Variants in CFAP74 observed in about 807,000 individuals in gnomAD.
CFAP74 encodes cilia and flagella associated protein 74.
A neutral mutation model predicts 188.9 loss-of-function variants in CFAP74; 124 were observed. The observed-to-expected ratio is 0.66, with a 90% CI of 0.57 to 0.76. The LOEUF (loss-of-function observed/expected upper bound fraction) is 0.76. Among genes scored for constraint, CFAP74 ranks in the 30% least tolerant of loss-of-function variants. The probability of loss-of-function intolerance (pLI) is 0.00; values close to 1 mark genes in which losing one functional copy is unlikely to be tolerated. For missense variants in CFAP74, 2,198 were observed against 2,165.2 expected, an observed-to-expected ratio of 1.02 and a Z score of -0.30; for synonymous variants, 956 against 916.7, an observed-to-expected ratio of 1.04 and a Z score of -0.77.
Position 1,935,232 on chromosome 1 carries a change from G to C in CFAP74, c.3011+3623C>G, listed in dbSNP as rs558718805. 2.5e-3 allele frequency among the ~76,000 whole-genome samples: 226 copies of C among 89,388 alleles called. 69 individuals are homozygous for C. The highest frequency in any genetic ancestry group is 4.6e-3 in the Non-Finnish European group (194 of 42,188). 58.6% of individuals were successfully genotyped at this position (89,388 alleles called of 152,430 possible). A position where few individuals can be genotyped will look rare whatever the true frequency, so the allele number is the denominator to read the frequency against. On this transcript the variant is annotated intron_variant, in intron 25 of 38. Transcript: ENST00000682832. ...GTGGGTGTTGTAGGTACACACGTGT[G>C]TACGTGGGTGTTAGGCTGTAAGTAC... is the stretch of plus-strand genomic sequence containing the variant.
intron 20 of CFAP74, among the ~76,000 whole-genome samples, chr1:1,945,972 G>A (rs539111663): frequency 5.3e-5 from 6 of 113,774 alleles, no homozygotes; most frequent in East Asian, 2.8e-4. Context: ...GCGTTTGTGC[G>A]TGTGGGGGGG....
At position 1,930,311 on chromosome 1, in the gene CFAP74, C is replaced by T. The variant is rs1557990986; in HGVS notation, c.3037G>A (p.Val1013Ile). Residue 1013 changes from valine (V) to isoleucine (I), a missense_variant, in exon 26 of 39, where the codon GTA becomes ATA. Transcript: ENST00000682832. ...NRCFKLSCRA[V>I]GVHPPLELSH... Reference sequence around the variant, plus strand: ...AGCTCCAGGGGTGGGTGGACGCCTACAGCCCGGCAAGACAGCTTGAAGCAC... The same window carrying T: ...AGCTCCAGGGGTGGGTGGACGCCTATAGCCCGGCAAGACAGCTTGAAGCAC... The T allele has an allele frequency of 1.3e-6, 2 of 1,529,248 alleles. No homozygotes were observed. Among genetic ancestry groups the T allele is most frequent in the African/African-American group, 1.4e-5 (1 of 72,928 alleles). The allele number at this position is 1,529,248 out of a possible 1,614,324, so 94.7% of individuals were successfully genotyped here.
chr1:1,986,964 A>C lies in CFAP74; in HGVS notation c.368T>G (p.Ile123Ser). 1.2e-6 allele frequency: 2 copies of C among 1,601,506 alleles called. No homozygotes were observed. Among genetic ancestry groups the C allele is most frequent in the Non-Finnish European group, 1.7e-6 (2 of 1,179,612 alleles). Residue 123 changes from isoleucine to serine, a missense_variant, in exon 5 of 39, where the codon ATC (isoleucine) becomes AGC (serine). By Grantham distance (142) the Ile-to-Ser change is moderately radical. Transcript: ENST00000682832. ...GTTGCCCGCCTCTTCCTCTGTGGCG[A>C]TCTCGGCTGCCACAGCCTCCTGCTG... is the stretch of plus-strand genomic sequence containing the variant. ...DKQQEAVAAE[I>S]ATEEEAGNMA...
At chr1:1,929,928 A>G in intron 26 of CFAP74, 132 bp downstream of exon 26, 1 of 1,048,228 alleles carries the variant, frequency 9.5e-7, no homozygotes, top group East Asian at 2.7e-5. Flanking sequence ...TCTGAGGGTC[A>G]GGTTCACTCC....
At chr1:1,971,378 C>T (rs541812613) in intron 9 of CFAP74, among the ~76,000 whole-genome samples, 2 of 151,626 alleles carry the variant, frequency 1.3e-5, no homozygotes, top group Non-Finnish European at 2.9e-5. Flanking sequence ...CACGGTCACA[C>T]ATGCACACAC....
chr1:1,992,352 T>C (rs892302526), intron 1 of CFAP74, among the ~76,000 whole-genome samples: 2 of 152,084 alleles, frequency 1.3e-5, no homozygotes, highest in African/African-American at 4.8e-5. Context: ...TTGGTTGAGA[T>C]GGTGGGTCTC....
intron 14 of CFAP74, among the ~76,000 whole-genome samples, chr1:1,963,103 C>T (rs1341484795): frequency 6.6e-6 from 1 of 152,132 alleles, no homozygotes; most frequent in Non-Finnish European, 1.5e-5. Flanking sequence ...AAAACACTGG[C>T]TAATTGCCAG....
rs959227746 is a variant in CFAP74 at position 1,942,832 on chromosome 1, C to T, written c.2487-676G>A. On this transcript the variant is annotated intron_variant, in intron 21 of 38. Coordinates refer to ENST00000682832, the MANE Select transcript of CFAP74 (RefSeq NM_001304360.2). This position sits in a 1 kb window ranked among gnomAD's most constrained non-coding sequence, Gnocchi z 4.3. Reference sequence around the variant, plus strand: ...TGTGGCCGCCCCGCCACAGCTGCCCCGGGCAATCCACGAGGGGGGACCCAG... The same window carrying T: ...TGTGGCCGCCCCGCCACAGCTGCCCTGGGCAATCCACGAGGGGGGACCCAG... Among the ~76,000 whole-genome samples the T allele has an allele frequency of 1.3e-5, 2 of 152,164 alleles. No homozygotes were observed. The highest frequency in any genetic ancestry group is 2.4e-5 in the African/African-American group (1 of 41,430).
chr1:1,926,874 C>T lies in CFAP74; in HGVS notation c.3662+20G>A. 1.9e-6 allele frequency: 3 copies of T among 1,549,906 alleles called. No individual in the cohort carries two copies. The highest frequency in any genetic ancestry group is 2.6e-6 in the Non-Finnish European group (3 of 1,146,716). On this transcript the variant is annotated intron_variant, in intron 29 of 38. Coordinates refer to ENST00000682832, the MANE Select transcript of CFAP74 (RefSeq NM_001304360.2). ...CGTTTGCGGCTGACCACACCCTGTT[C>T]TGGCCAGAGCACCCCGCACCTGAAG...
chr1:1,988,501 C>T lies in CFAP74; in HGVS notation c.296+11G>A. On this transcript the variant is annotated intron_variant, in intron 4 of 38. Coordinates refer to ENST00000682832, the MANE Select transcript of CFAP74 (RefSeq NM_001304360.2). ...AGAGGTGCAGGTGCAGCGGCCTCAG[C>T]CCCAGCTCACCTCATCTTCTCAGTG... 1.2e-6 allele frequency: 2 copies of T among 1,609,842 alleles called. No individual in the cohort carries two copies. The highest frequency in any genetic ancestry group is 1.7e-6 in the Non-Finnish European group (2 of 1,179,936).
At chr1:1,970,111 C>T (rs1013026571) in intron 10 of CFAP74, among the ~76,000 whole-genome samples, 20 of 152,088 alleles carry the variant, frequency 1.3e-4, no homozygotes, top group Non-Finnish European at 2.1e-4. Context: ...GCAACATGGG[C>T]CCCCGTTTGG....
intron 9 of CFAP74, among the ~76,000 whole-genome samples, chr1:1,971,726 C>T (rs917198927): frequency 1.3e-5 from 2 of 152,272 alleles, no homozygotes; most frequent in African/African-American, 4.8e-5. Flanking sequence ...CCACTGCTTC[C>T]CCAACAAGAC....
intron 15 of CFAP74, 111 bp downstream of exon 15, chr1:1,959,853 T>G: frequency 4.5e-6 from 4 of 888,382 alleles, no homozygotes; most frequent in Non-Finnish European, 5.0e-6. Flanking sequence ...TGATCCTCAC[T>G]GAGAGGCCAA....
In CFAP74 at chr1:1,989,041, G is replaced by C. The variant is rs1170935947; in HGVS notation, c.68-68C>G. ...CAAACATTTGCATCTGAAGTTTTAG[G>C]ATAAATCTTTTTCTTTTTTTGGGAC... On this transcript the variant is annotated intron_variant, in intron 2 of 38. Coordinates refer to ENST00000682832, the MANE Select transcript of CFAP74 (RefSeq NM_001304360.2). 5 of 843,502 alleles carry C rather than the reference G, an allele frequency of 5.9e-6. No homozygotes were observed. The Admixed American group carries it at 1.1e-4, about 18-fold the overall frequency. The allele number at this position is 843,502 out of a possible 1,614,324, so 52.3% of individuals were successfully genotyped here. A position where few individuals can be genotyped will look rare whatever the true frequency, so the allele number is the denominator to read the frequency against.
intron 1 of CFAP74, among the ~76,000 whole-genome samples, chr1:1,994,921 G>A (rs1201074461): frequency 6.6e-6 from 1 of 152,154 alleles, no homozygotes; most frequent in Non-Finnish European, 1.5e-5. Context: ...GGAGGTGGAG[G>A]GATGAGGGTA....
intron 1 of CFAP74, among the ~76,000 whole-genome samples, chr1:1,999,177 G>A (rs1274805619): frequency 1.3e-5 from 2 of 152,220 alleles, no homozygotes; most frequent in African/African-American, 4.8e-5. Flanking sequence ...TTCTAAAGCT[G>A]TAAAACTAAG....
intron 18 of CFAP74, among the ~76,000 whole-genome samples, chr1:1,951,715 T>G (rs1281239719): frequency 6.6e-6 from 1 of 152,198 alleles, no homozygotes; most frequent in African/African-American, 2.4e-5. Flanking sequence ...TGATCCATAG[T>G]TAGTTCTGGG....
chr1:1,928,841 C>T lies in CFAP74; in HGVS notation c.3330G>A (p.Glu1110=). 6.5e-7 allele frequency: 1 copy of T among 1,535,684 alleles called. No homozygotes were observed. The highest frequency in any genetic ancestry group is 1.2e-5 in the South Asian group (1 of 84,058). ...VQVAFRPVLP[E]KLIRQEALPL... is the part of the protein sequence containing the mutation. ...GGAGGGCTTCCTGGCGGATCAGCTTCTCGGGCAGCACTGGCCGGAAGGCCA... is the reference window on the plus strand; with the variant it reads ...GGAGGGCTTCCTGGCGGATCAGCTTTTCGGGCAGCACTGGCCGGAAGGCCA... Residue 1110 remains glutamate (E), a synonymous_variant, in exon 27 of 39, where the codon GAG becomes GAA. Coordinates refer to ENST00000682832, the MANE Select transcript of CFAP74 (RefSeq NM_001304360.2).
chr1:1,949,118 TCTTCC>T (rs1196348864), intron 18 of CFAP74, among the ~76,000 whole-genome samples: 21 of 80,382 alleles, frequency 2.6e-4, no homozygotes, highest in African/African-American at 9.4e-4. Context: ...TCCTTTCCTT[TCTTCC>T]CTTCCCTCCC....
Sources: gnomAD v4.1 joint callset for allele counts (sites outside exome capture counted in the v4.1 genomes callset) on GRCh38, gnomAD v4.1.1 for gene constraint, Gnocchi (gnomAD v3.1) non-coding constraint, MANE v1.5 for transcripts, NCBI Gene and HGNC (gene_info 2026-07-23, HGNC 2026-07-21) for gene names.